Variants in STK10 observed in about 807,000 individuals in gnomAD.
STK10 encodes serine/threonine-protein kinase 10.
Under a neutral mutation model 113.8 loss-of-function variants are expected in STK10, and 78 were observed. The observed-to-expected ratio is 0.69, with a 90% CI of 0.57 to 0.83. The LOEUF is 0.83. Ranked by LOEUF, STK10 falls within the 40% of genes least tolerant of loss-of-function variation. STK10 has a pLI of 0.00. For missense variants in STK10, 1,109 were observed against 1,280.1 expected (o/e 0.87, Z 2.04); for synonymous variants, 465 against 494.7 (o/e 0.94, Z 0.80).
intron 1 of STK10, among the ~76,000 whole-genome samples, chr5:172,160,548 G>A (rs542874562): frequency 6.6e-5 from 10 of 152,124 alleles, no homozygotes; most frequent in African/African-American, 2.2e-4. Flanking sequence ...CAAAGCACAG[G>A]GAAAACGAGC....
chr5:172,108,489 G>A lies in STK10; in HGVS notation c.521-637C>T, dbSNP rs532044744. ...AAATTAGCCAGGTGTGGTGGTGGAC[G>A]CCTGTAATCCCAGATACTTGGGGGG... On this transcript the variant is annotated intron_variant, in intron 4 of 18. Coordinates refer to ENST00000176763, the MANE Select transcript of STK10 (RefSeq NM_005990.4). Among the ~76,000 whole-genome samples, 7 of 151,788 alleles carry A rather than the reference G, an allele frequency of 4.6e-5. No homozygotes were observed. The East Asian group carries it at 9.7e-4, about 21-fold the overall frequency.
At chr5:172,071,018 G>T (rs1181330854) in intron 12 of STK10, among the ~76,000 whole-genome samples, 1 of 151,626 alleles carries the variant, frequency 6.6e-6, no homozygotes, top group African/African-American at 2.4e-5. Context: ...GACCAGCCTG[G>T]CTAACATGGT....
chr5:172,052,513 T>G (rs1767649496), intron 18 of STK10, among the ~76,000 whole-genome samples: 2 of 152,220 alleles, frequency 1.3e-5, no homozygotes, highest in Non-Finnish European at 2.9e-5. Context: ...CTGCTAAGTG[T>G]GTGGCAGTTC....
At chr5:172,078,770 C>T (rs1009638104) in intron 12 of STK10, among the ~76,000 whole-genome samples, 4 of 141,172 alleles carry the variant, frequency 2.8e-5, no homozygotes, top group African/African-American at 8.8e-5. Context: ...CCAGATCCCA[C>T]GCTCTGCCTC....
chr5:172,051,769 C>T (rs930182455), intron 18 of STK10, among the ~76,000 whole-genome samples: 3 of 152,062 alleles, frequency 2.0e-5, no homozygotes, highest in Non-Finnish European at 2.9e-5. Flanking sequence ...CACTGGCTGC[C>T]ACCAGGAGGT....
intron 1 of STK10, among the ~76,000 whole-genome samples, chr5:172,179,059 G>C (rs1342094139): frequency 6.6e-6 from 1 of 152,184 alleles, no homozygotes; most frequent in Admixed American, 6.5e-5. Context: ...TCAACACCGA[G>C]GTATTCCTGC....
chr5:172,148,266 G>C (rs377489507), intron 2 of STK10, among the ~76,000 whole-genome samples: 1 of 152,164 alleles, frequency 6.6e-6, no homozygotes, highest in African/African-American at 2.4e-5. Flanking sequence ...CCCACTCTGT[G>C]CATGATCAAC....
intron 2 of STK10, among the ~76,000 whole-genome samples, chr5:172,127,876 A>G (rs882328): frequency 0.27 from 40,960 of 152,100 alleles, 5,603 homozygotes; most frequent in African/African-American, 0.33. Context: ...TCCATCTTCC[A>G]GAACCCTGGA....
At chr5:172,136,284 A>G (rs924466959) in intron 2 of STK10, among the ~76,000 whole-genome samples, 4 of 152,176 alleles carry the variant, frequency 2.6e-5, no homozygotes, top group African/African-American at 9.6e-5. Flanking sequence ...ACTTCTAAGG[A>G]GACTGAACAG....
intron 10 of STK10, among the ~76,000 whole-genome samples, chr5:172,088,441 T>A (rs556597684): frequency 6.6e-6 from 1 of 152,070 alleles, no homozygotes; most frequent in South Asian, 2.1e-4. Context: ...AGAGAATCGC[T>A]TGAACCCGGG....
rs1341878729 is a variant in STK10 at position 172,042,088 on chromosome 5, T to G, written c.*2794A>C. The G allele has an allele frequency of 1.3e-5, 2 of 152,646 alleles. No individual in the cohort carries two copies. Among genetic ancestry groups the G allele is most frequent in the African/African-American group, 4.8e-5 (2 of 41,452 alleles). The allele number at this position is 152,646 out of a possible 1,614,324, so 9.5% of individuals were successfully genotyped here. Reference sequence around the variant, plus strand: ...CAACCTGAACGGCAAATAACCTTGTTATTTTATTAGAAGCATATTTACATT... The same window carrying G: ...CAACCTGAACGGCAAATAACCTTGTGATTTTATTAGAAGCATATTTACATT... On this transcript the variant is annotated 3_prime_UTR_variant, in exon 19 of 19. Coordinates refer to ENST00000176763, the MANE Select transcript of STK10 (RefSeq NM_005990.4).
intron 15 of STK10, among the ~76,000 whole-genome samples, chr5:172,056,134 A>T (rs955002230): frequency 6.6e-6 from 1 of 152,098 alleles, no homozygotes; most frequent in Admixed American, 6.5e-5. Flanking sequence ...ATAGATTTGA[A>T]TTTTTTCCTT....
At chr5:172,112,387 G>C (rs1468819372) in intron 4 of STK10, among the ~76,000 whole-genome samples, 1 of 150,918 alleles carries the variant, frequency 6.6e-6, no homozygotes, top group Non-Finnish European at 1.5e-5. Context: ...GTGGGATTTT[G>C]GTGGGGGCAG....
chr5:172,100,986 T>C (rs1768977844), intron 7 of STK10, among the ~76,000 whole-genome samples: 1 of 152,134 alleles, frequency 6.6e-6, no homozygotes, highest in South Asian at 2.1e-4. Flanking sequence ...CTCTGTGGCC[T>C]ACAGGCTGTG....
intron 1 of STK10, among the ~76,000 whole-genome samples, chr5:172,183,717 A>G (rs1472753395): frequency 6.6e-6 from 1 of 152,174 alleles, no homozygotes; most frequent in Admixed American, 6.6e-5. Flanking sequence ...TCGGCCTCCC[A>G]AAGTGCTGGG....
At chr5:172,170,077 C>T (rs1160138668) in intron 1 of STK10, among the ~76,000 whole-genome samples, 3 of 149,082 alleles carry the variant, frequency 2.0e-5, no homozygotes, top group African/African-American at 7.4e-5. Context: ...TTTTGTTCAC[C>T]AATGTATCTA....
intron 16 of STK10, among the ~76,000 whole-genome samples, chr5:172,055,040 G>A (rs1767714604): frequency 6.6e-6 from 1 of 152,216 alleles, no homozygotes. Context: ...TGGGAGTGCG[G>A]AAGGGAAGGG....
At chr5:172,129,527 G>C (rs575718431) in intron 2 of STK10, among the ~76,000 whole-genome samples, 2 of 152,316 alleles carry the variant, frequency 1.3e-5, no homozygotes, top group South Asian at 2.1e-4. Context: ...CGAACGCCAA[G>C]GAAGAGGTAC....
At chr5:172,172,319 C>A (rs1770675983) in intron 1 of STK10, among the ~76,000 whole-genome samples, 1 of 152,244 alleles carries the variant, frequency 6.6e-6, no homozygotes, top group Non-Finnish European at 1.5e-5. Context: ...AGCTCCCTAT[C>A]ATGGGGCCAT....
Sources: gnomAD v4.1 joint callset for allele counts (sites outside exome capture counted in the v4.1 genomes callset) on GRCh38, gnomAD v4.1.1 for gene constraint, MANE v1.5 for transcripts, NCBI Gene and HGNC (gene_info 2026-07-23, HGNC 2026-07-21) for gene names.